The following BCR variants were observed in gnomAD, a reference collection of about 807,000 sequenced individuals.
BCR encodes the protein breakpoint cluster region protein.
A neutral mutation model predicts 138.6 loss-of-function variants in BCR; 58 were observed. That is an observed-to-expected ratio of 0.42 (90% CI 0.34 to 0.52). BCR has a LOEUF of 0.52. BCR is among the 20% of genes least tolerant of loss of function. BCR has a pLI of 0.06. For synonymous variants in BCR, 786 were observed against 730.1 expected, an observed-to-expected ratio of 1.08 and a Z score of -1.23; for missense variants, 1,599 against 1,727.2, an observed-to-expected ratio of 0.93 and a Z score of 1.32.
intron 1 of BCR, among the ~76,000 whole-genome samples, chr22:23,252,881 T>A: frequency 6.6e-6 from 1 of 152,224 alleles, no homozygotes; most frequent in Non-Finnish European, 1.5e-5. Flanking sequence ...CAGCTGGGTG[T>A]CCTACAATTT....
intron 1 of BCR, among the ~76,000 whole-genome samples, chr22:23,183,724 TAAAG>T (rs779290784): frequency 6.6e-6 from 1 of 152,180 alleles, no homozygotes; most frequent in Non-Finnish European, 1.5e-5. Context: ...GAGTTATTAA[TAAAG>T]AAGAAAATGA....
At chr22:23,302,550 A>G (rs1257159627) in intron 16 of BCR, 1 of 152,336 alleles carries the variant, frequency 6.6e-6, no homozygotes, top group Admixed American at 6.5e-5. Context: ...CACACGGTAC[A>G]GCACAGAAGG....
At chr22:23,231,838 G>T (rs2072962971) in intron 1 of BCR, among the ~76,000 whole-genome samples, 1 of 152,190 alleles carries the variant, frequency 6.6e-6, no homozygotes, top group Non-Finnish European at 1.5e-5. Context: ...ATTTTGTTTG[G>T]AGCTGCAGGT....
intron 1 of BCR, among the ~76,000 whole-genome samples, chr22:23,235,906 T>C (rs1173790920): frequency 6.6e-6 from 1 of 152,198 alleles, no homozygotes; most frequent in Non-Finnish European, 1.5e-5. Context: ...CCTCCTGACC[T>C]AATCACCCCC....
chr22:23,304,864 C>T (rs1289985875), intron 16 of BCR, among the ~76,000 whole-genome samples: 2 of 152,168 alleles, frequency 1.3e-5, no homozygotes. Context: ...CCTGTAATCC[C>T]AGCACTTTAG....
chr22:23,181,951 G>A lies in BCR; in HGVS notation c.991G>A (p.Asp331Asn), dbSNP rs760893146. The change falls in exon 1 of 23, where the codon GAC (aspartate) becomes AAC (asparagine). Residue 331 changes from aspartate to asparagine, a missense_variant. Asp to Asn is a conservative substitution (Grantham distance 23). Coordinates refer to ENST00000305877, the MANE Select transcript of BCR (RefSeq NM_004327.4). The part of the protein sequence containing the change: ...FEDCGGGYTP[D>N]CSSNENLTSS... ...GGATTGCGGAGGCGGCTATACCCCG[G>A]ACTGCAGCTCCAATGAGAACCTCAC... 7.4e-6 allele frequency: 12 copies of A among 1,612,932 alleles called. No individual in the cohort carries two copies. Among genetic ancestry groups the A allele is most frequent in the East Asian group, 2.2e-5 (1 of 44,876 alleles).
At chr22:23,286,509 CAG>C (rs1169019330) in intron 10 of BCR, among the ~76,000 whole-genome samples, 2 of 152,190 alleles carry the variant, frequency 1.3e-5, no homozygotes, top group Admixed American at 1.3e-4. Context: ...TGTCCCCACA[CAG>C]AGTGGGAGCC....
At position 23,192,284 on chromosome 22, in the gene BCR, T is replaced by C. The variant is rs149210924; in HGVS notation, c.1279+10045T>C. ...AACCTGCCCAAGGTCAAGTGGTTGG[T>C]GGAGGGGCTGGCGCTGCCTCTCTCC... On this transcript the variant is annotated intron_variant, in intron 1 of 22. Coordinates refer to ENST00000305877, the MANE Select transcript of BCR (RefSeq NM_004327.4). Among the ~76,000 whole-genome samples the C allele has an allele frequency of 5.4e-3, 815 of 152,310 alleles. 12 individuals are homozygous for C. The highest frequency in any genetic ancestry group is 0.019 in the African/African-American group (774 of 41,566).
At chr22:23,273,171 G>GC in intron 7 of BCR, 38 bp downstream of exon 7, 1 of 1,598,302 alleles carries the variant, frequency 6.3e-7, no homozygotes, top group Non-Finnish European at 8.6e-7. Context: ...GACCAAAACT[G>GC]CCCCCTCGGG....
intron 2 of BCR, among the ~76,000 whole-genome samples, chr22:23,255,769 G>A (rs2073287203): frequency 6.6e-6 from 1 of 152,164 alleles, no homozygotes; most frequent in Non-Finnish European, 1.5e-5. Context: ...TCCAGATCCT[G>A]GTCCCCCGAC....
intron 1 of BCR, among the ~76,000 whole-genome samples, chr22:23,225,364 C>T (rs1568942050): frequency 1.3e-5 from 1 of 75,692 alleles, no homozygotes; most frequent in Admixed American, 1.5e-4. Context: ...TGGACCCCAC[C>T]ATGCTTCTTA....
chr22:23,272,409 A>ACATACTTGG (rs921872895), intron 6 of BCR, among the ~76,000 whole-genome samples: 11 of 152,202 alleles, frequency 7.2e-5, no homozygotes, highest in African/African-American at 2.7e-4. Flanking sequence ...CTTGTGAAGA[A>ACATACTTGG]CATACTTGGC....
chr22:23,279,384 G>A (rs2073616269), intron 8 of BCR, among the ~76,000 whole-genome samples: 1 of 152,218 alleles, frequency 6.6e-6, no homozygotes, highest in African/African-American at 2.4e-5. Flanking sequence ...CGGCTGCAGT[G>A]TATATTGGCC....
chr22:23,223,354 C>T (rs919581544), intron 1 of BCR, among the ~76,000 whole-genome samples: 3 of 152,122 alleles, frequency 2.0e-5, no homozygotes, highest in Admixed American at 6.5e-5. Context: ...CCATGTATGG[C>T]TGTGTGAGTG....
intron 2 of BCR, among the ~76,000 whole-genome samples, chr22:23,256,339 C>A (rs781261031): frequency 6.6e-5 from 10 of 152,116 alleles, no homozygotes; most frequent in African/African-American, 1.7e-4. Context: ...TCTGTGAATA[C>A]CCACTCGTAG....
intron 1 of BCR, chr22:23,242,765 CAG>C: frequency 2.4e-6 from 1 of 422,504 alleles, no homozygotes; most frequent in Non-Finnish European, 4.8e-6. Context: ...GCTTCCTTAA[CAG>C]AATGCCACAA....
At chr22:23,200,146 G>A (rs1352073923) in intron 1 of BCR, among the ~76,000 whole-genome samples, 4 of 151,960 alleles carry the variant, frequency 2.6e-5, no homozygotes, top group Non-Finnish European at 5.9e-5. Flanking sequence ...CGAGACCTTG[G>A]ACATCAAAGG....
intron 1 of BCR, among the ~76,000 whole-genome samples, chr22:23,182,724 G>C (rs189954581): frequency 6.6e-6 from 1 of 152,220 alleles, no homozygotes; most frequent in Admixed American, 6.5e-5. Context: ...TGACACGTTT[G>C]TGAAACCTGA....
chr22:23,219,437 C>T (rs556308339), intron 1 of BCR, among the ~76,000 whole-genome samples: 1 of 152,356 alleles, frequency 6.6e-6, no homozygotes, highest in East Asian at 1.9e-4. Flanking sequence ...CTGACCTTGT[C>T]CCTTTGGCTG....
Sources: allele counts gnomAD v4.1 joint callset (sites outside exome capture counted in the v4.1 genomes callset), GRCh38; gene constraint gnomAD v4.1.1; transcripts MANE v1.5; gene names NCBI Gene and HGNC (gene_info 2026-07-23, HGNC 2026-07-21).